The following SPATA6L variants were observed in gnomAD, a reference collection of about 807,000 sequenced individuals.
SPATA6L encodes spermatogenesis associated 6-like protein.
Under a neutral mutation model 49.2 loss-of-function variants are expected in SPATA6L, and 68 were observed. That is an observed-to-expected ratio of 1.38 (90% confidence interval 1.14 to 1.69). The LOEUF (loss-of-function observed/expected upper bound fraction) is 1.69. Among genes scored for constraint, SPATA6L ranks in the 40% most tolerant of loss-of-function variants. The pLI is 0.00. For synonymous variants in SPATA6L, 198 were observed against 165.7 expected (o/e 1.19, Z -1.50); for missense variants, 668 against 464.3 (o/e 1.44, Z -4.03).
chr9:4,642,667 T>C (rs1434592646), intron 3 of SPATA6L, among the ~76,000 whole-genome samples: 1 of 152,000 alleles, frequency 6.6e-6, no homozygotes, highest in East Asian at 1.9e-4. Context: ...GTTGAGACAT[T>C]TGCTAGTCTC....
intron 2 of SPATA6L, among the ~76,000 whole-genome samples, chr9:4,656,754 T>G (rs751631073): frequency 1.3e-5 from 2 of 152,214 alleles, no homozygotes; most frequent in African/African-American, 4.8e-5. Flanking sequence ...TAAAAGCCCA[T>G]CTTAAATCAA....
At chr9:4,641,818 G>A (rs984047832) in intron 3 of SPATA6L, among the ~76,000 whole-genome samples, 1 of 152,240 alleles carries the variant, frequency 6.6e-6, no homozygotes, top group African/African-American at 2.4e-5. Context: ...TGTTGCCCAA[G>A]CTGGAGTGCA....
chr9:4,666,189 G>T (rs761461663), intron 1 of SPATA6L, 23 bp downstream of exon 1: 3 of 1,613,496 alleles, frequency 1.9e-6, no homozygotes, highest in African/African-American at 1.3e-5. Context: ...AGGTTAAGGA[G>T]GGGGAGTTCA....
rs963849608 is a variant in SPATA6L at position 4,598,841 on chromosome 9, G to A, written c.*1970C>T. On this transcript the variant is annotated 3_prime_UTR_variant, in exon 12 of 12. Transcript: ENST00000682582. The stretch of plus-strand genomic sequence containing the variant: ...ACAAATTGACAACCATAGTTTCAGA[G>A]AGACTGAGAACATATTAGCATATGT... Among the ~76,000 whole-genome samples, 2 of 152,208 alleles carry A rather than the reference G, an allele frequency of 1.3e-5. No individual in the cohort carries two copies.
Position 4,662,130 on chromosome 9 carries a change from CACTG to C in SPATA6L, c.40-98_40-95del, listed in dbSNP as rs1294095112. On this transcript the variant is annotated intron_variant, in intron 1 of 11. Transcript: ENST00000682582. The surrounding 1 kb of genome is among the most constrained non-coding windows in gnomAD (Gnocchi z 4.9). ...TCTATTTCTCTTAAGCTCCTACAGA[CACTG>C]ACATTTTCCCCATCACCTCACTCCC... 5 of 1,514,776 alleles carry C rather than the reference CACTG, an allele frequency of 3.3e-6. No individual in the cohort carries two copies. The African/African-American group carries it at 7.0e-5, about 21-fold the overall frequency. The allele number at this position is 1,514,776 out of a possible 1,614,324, so 93.8% of individuals were successfully genotyped here.
chr9:4,650,294 T>G (rs1468745261), intron 3 of SPATA6L, among the ~76,000 whole-genome samples: 1 of 152,212 alleles, frequency 6.6e-6, no homozygotes, highest in Non-Finnish European at 1.5e-5. Context: ...CTATTATCTG[T>G]GACCTTGGTC....
At chr9:4,644,954 G>A (rs1427938403) in intron 3 of SPATA6L, among the ~76,000 whole-genome samples, 2 of 152,092 alleles carry the variant, frequency 1.3e-5, no homozygotes, top group East Asian at 3.9e-4. Flanking sequence ...AAATGTTTTA[G>A]GCTTTGTAGG....
At chr9:4,642,158 A>T (rs1233271601) in intron 3 of SPATA6L, among the ~76,000 whole-genome samples, 1 of 152,200 alleles carries the variant, frequency 6.6e-6, no homozygotes, top group African/African-American at 2.4e-5. Flanking sequence ...TAAATTTTTT[A>T]TAGTGAGATT....
chr9:4,596,983 C>T (rs1307170520), downstream of SPATA6L, among the ~76,000 whole-genome samples: 1 of 152,142 alleles, frequency 6.6e-6, no homozygotes, highest in African/African-American at 2.4e-5. Flanking sequence ...TCACTGAGTG[C>T]TCATTTTGTG....
intron 3 of SPATA6L, among the ~76,000 whole-genome samples, chr9:4,638,785 CTTTTCTTTTT>C (rs1264861571): frequency 1.4e-5 from 2 of 145,302 alleles, no homozygotes; most frequent in African/African-American, 5.5e-5. Flanking sequence ...CTTTTCTTTT[CTTTTCTTTTT>C]TTTTTTTGAG....
Position 4,621,757 on chromosome 9 carries a change from G to T in SPATA6L, c.772+651C>A, listed in dbSNP as rs368835954. On this transcript the variant is annotated intron_variant, in intron 7 of 11. Transcript: ENST00000682582. Reference sequence around the variant, plus strand: ...CCTGCCTCGGCCTCCCGAAGTGCTGGGATTACAGGCGTCAGTCACCGTACC... The same window carrying T: ...CCTGCCTCGGCCTCCCGAAGTGCTGTGATTACAGGCGTCAGTCACCGTACC... Among the ~76,000 whole-genome samples the T allele has an allele frequency of 6.6e-5, 10 of 152,252 alleles. No homozygotes were observed. The South Asian group carries it at 2.1e-3, about 32-fold the overall frequency.
intron 3 of SPATA6L, among the ~76,000 whole-genome samples, chr9:4,644,874 A>G (rs1229602145): frequency 6.6e-6 from 1 of 152,198 alleles, no homozygotes; most frequent in African/African-American, 2.4e-5. Flanking sequence ...GTACCACAGA[A>G]CAGCTTCCTC....
At chr9:4,604,800 G>T (rs1484336826) in intron 10 of SPATA6L, among the ~76,000 whole-genome samples, 1 of 152,164 alleles carries the variant, frequency 6.6e-6, no homozygotes, top group Non-Finnish European at 1.5e-5. Flanking sequence ...TCTTTGAGCA[G>T]GTGAACTGCC....
intron 4 of SPATA6L, among the ~76,000 whole-genome samples, chr9:4,631,976 A>C (rs1409227393): frequency 2.6e-5 from 4 of 151,610 alleles, no homozygotes; most frequent in Non-Finnish European, 5.9e-5. Context: ...AGGATAATCC[A>C]TGTAATGAGC....
At chr9:4,656,151 T>A in intron 2 of SPATA6L, 62 bp from the exon 3 acceptor site, 20 of 1,383,078 alleles carry the variant, frequency 1.4e-5, no homozygotes, top group East Asian at 2.4e-5. Flanking sequence ...ATATAGAAAC[T>A]GTAAATGCCA....
At chr9:4,663,102 G>A in intron 1 of SPATA6L, 1 of 1,614,068 alleles carries the variant, frequency 6.2e-7, no homozygotes, top group South Asian at 1.1e-5. Context: ...GGTTCTGTGG[G>A]CCTTCGTCTT....
rs373263993 is a variant in SPATA6L at position 4,635,834 on chromosome 9, C to T, written c.227-435G>A. On this transcript the variant is annotated intron_variant, in intron 3 of 11. Transcript: ENST00000682582. The stretch of plus-strand genomic sequence containing the variant: ...GCATGGATGCCAAGGGCCCAGATGA[C>T]AGCTACAGCTGTGATTCTCAGCAGG... 1.2e-4 allele frequency among the ~76,000 whole-genome samples: 18 copies of T among 152,232 alleles called. No homozygotes were observed. In the South Asian group the frequency reaches 3.7e-3, roughly 32 times the overall value.
At chr9:4,637,076 C>T (rs75777285) in intron 3 of SPATA6L, among the ~76,000 whole-genome samples, 9,673 of 152,212 alleles carry the variant, frequency 0.064, 487 homozygotes, top group Admixed American at 0.14. Context: ...AAGCACCCTA[C>T]CCTAGATTTC....
At chr9:4,607,716 C>T (rs563539297) in intron 9 of SPATA6L, among the ~76,000 whole-genome samples, 1 of 152,224 alleles carries the variant, frequency 6.6e-6, no homozygotes, top group East Asian at 1.9e-4. Flanking sequence ...ACCGTCGAGA[C>T]TAGGAAGAAA....
Sources: gnomAD v4.1 joint callset for allele counts (sites outside exome capture counted in the v4.1 genomes callset) on GRCh38, gnomAD v4.1.1 for gene constraint, Gnocchi (gnomAD v3.1) non-coding constraint, MANE v1.5 for transcripts, NCBI Gene and HGNC (gene_info 2026-07-23, HGNC 2026-07-21) for gene names.